UBR2: variants seen among roughly 807,000 people sequenced by gnomAD.
UBR2 encodes E3 ubiquitin-protein ligase UBR2.
UBR2 carries 92 observed loss-of-function variants against 247.9 expected under a neutral mutation model. The ratio of observed to expected loss-of-function variants is 0.37; its 90% CI spans 0.31 to 0.44. The LOEUF (loss-of-function observed/expected upper bound fraction) is 0.44. Among genes scored for constraint, UBR2 ranks in the 20% least tolerant of loss-of-function variants. UBR2 has a pLI of 1.00. For synonymous variants in UBR2, 672 were observed against 693.5 expected (o/e 0.97, Z 0.49); for missense variants, 1,613 against 2,112.6 (o/e 0.76, Z 4.64).
intron 38 of UBR2, among the ~76,000 whole-genome samples, chr6:42,674,759 C>CAA (rs571959083): frequency 2.3e-5 from 3 of 129,504 alleles, no homozygotes; most frequent in South Asian, 5.1e-4. Flanking sequence ...AGACCCCATC[C>CAA]AAAAAAAAAA....
intron 2 of UBR2, among the ~76,000 whole-genome samples, chr6:42,580,226 T>C (rs575979372): frequency 2.7e-4 from 41 of 152,366 alleles, no homozygotes; most frequent in African/African-American, 9.9e-4. Flanking sequence ...GAAAATGCAG[T>C]AAATATCTTC....
chr6:42,590,598 G>A (rs1792598756), intron 2 of UBR2, among the ~76,000 whole-genome samples: 1 of 152,162 alleles, frequency 6.6e-6, no homozygotes, highest in Non-Finnish European at 1.5e-5. Context: ...AATAGACATT[G>A]TATGCTGGTA....
At chr6:42,570,479 C>T (rs1189753458) in intron 1 of UBR2, among the ~76,000 whole-genome samples, 2 of 152,180 alleles carry the variant, frequency 1.3e-5, no homozygotes, top group African/African-American at 4.8e-5. Context: ...GTGATCTGCC[C>T]ACCTTGGCCT....
chr6:42,572,524 GT>G (rs1244877089), intron 1 of UBR2, among the ~76,000 whole-genome samples: 1 of 150,930 alleles, frequency 6.6e-6, no homozygotes, highest in African/African-American at 2.4e-5. Context: ...AACATTGGAG[GT>G]TTTTTTTAAT....
chr6:42,602,187 C>CTT (rs796532726), intron 4 of UBR2, among the ~76,000 whole-genome samples: 25 of 143,884 alleles, frequency 1.7e-4, no homozygotes, highest in Admixed American at 1.4e-3. Flanking sequence ...ATGCCTGGCC[C>CTT]TTTTTTTTTT....
intron 7 of UBR2, among the ~76,000 whole-genome samples, chr6:42,611,505 A>G (rs1479373208): frequency 6.6e-6 from 1 of 151,648 alleles, no homozygotes; most frequent in African/African-American, 2.4e-5. Context: ...GCAATAAATT[A>G]TTTAAATAAG....
chr6:42,640,384 GT>G (rs373742087), intron 16 of UBR2, 114 bp downstream of exon 16: 369,369 of 477,720 alleles, frequency 0.77, 134,840 homozygotes, highest in East Asian at 0.92. Flanking sequence ...AACCAGTAAG[GT>G]GTGTGTGTGT....
intron 5 of UBR2, among the ~76,000 whole-genome samples, chr6:42,605,295 T>A (rs1354852201): frequency 6.6e-6 from 1 of 152,140 alleles, no homozygotes; most frequent in Non-Finnish European, 1.5e-5. Flanking sequence ...ATCCCTGGCT[T>A]CTACCCACTA....
chr6:42,663,075 T>C (rs763403167), intron 31 of UBR2, among the ~76,000 whole-genome samples, 183 bp from the exon 32 acceptor site: 17 of 152,192 alleles, frequency 1.1e-4, no homozygotes, highest in Non-Finnish European at 2.2e-4. Context: ...ATTTTACTCT[T>C]TTAGAACTTT....
chr6:42,654,912 G>A lies in UBR2; in HGVS notation c.2770-709G>A, dbSNP rs564493571. Among the ~76,000 whole-genome samples, 87 of 152,294 alleles carry A rather than the reference G, an allele frequency of 5.7e-4. No homozygotes were observed. In the South Asian group the frequency reaches 8.7e-3, roughly 15 times the overall value. On this transcript the variant is annotated intron_variant, in intron 25 of 46. Transcript: ENST00000372901. The stretch of plus-strand genomic sequence containing the variant: ...GAAGATTTAGTCCTTAGAGAAATTA[G>A]GTAGTGTCATAGACTGGATAATTAC...
In UBR2 at chr6:42,670,128, G is replaced by A. The variant is rs760553928; in HGVS notation, c.3918G>A (p.Thr1306=). ...CTGAGAGCATAAAAGAAATGCTAAC[G>A]ACATTTGGAACTGCTACCTACAAGG... ...PYSESIKEML[T]TFGTATYKVG... Residue 1306 remains threonine (T), a synonymous_variant, in exon 35 of 47, where the codon ACG becomes ACA. Coordinates refer to ENST00000372901, the MANE Select transcript of UBR2 (RefSeq NM_001363705.2). 2.2e-5 allele frequency: 35 copies of A among 1,613,944 alleles called. No homozygotes were observed. Among genetic ancestry groups the A allele is most frequent in the African/African-American group, 5.3e-5 (4 of 74,910 alleles).
At chr6:42,571,082 C>T (rs1265099101) in intron 1 of UBR2, among the ~76,000 whole-genome samples, 1 of 150,256 alleles carries the variant, frequency 6.7e-6, no homozygotes, top group Non-Finnish European at 1.5e-5. Flanking sequence ...AGTTACTAGA[C>T]TGCATAATTT....
chr6:42,587,903 C>T (rs1297069408), intron 2 of UBR2, among the ~76,000 whole-genome samples: 1 of 151,948 alleles, frequency 6.6e-6, no homozygotes, highest in Non-Finnish European at 1.5e-5. Context: ...GGGAAAAACA[C>T]ACTCTTTCTC....
rs73440658 is a variant in UBR2, at chr6:42,617,532, C to T, written c.1281+25C>T. ...TGTAAGTACTGAAAGACTAGAAGAA[C>T]TTTCTTGTTTTCCATTAACAGAGGC... On this transcript the variant is annotated intron_variant, in intron 11 of 46. Coordinates refer to ENST00000372901, the MANE Select transcript of UBR2 (RefSeq NM_001363705.2). 7,792 of 1,545,230 alleles carry T rather than the reference C, an allele frequency of 5.0e-3. 259 individuals carry two copies. In the African/African-American group the frequency reaches 0.083, roughly 17 times the overall value.
At chr6:42,651,523 G>A (rs769466869) in intron 23 of UBR2, among the ~76,000 whole-genome samples, 1 of 151,368 alleles carries the variant, frequency 6.6e-6, no homozygotes, top group Non-Finnish European at 1.5e-5. Flanking sequence ...TTTGAGATAG[G>A]GTCTCACTCT....
At chr6:42,665,536 AT>A in intron 33 of UBR2, 24 bp downstream of exon 33, 2 of 1,551,780 alleles carry the variant, frequency 1.3e-6, no homozygotes, top group East Asian at 2.3e-5. Flanking sequence ...ACCTGTTTTC[AT>A]TTTTCCCTAA....
Position 42,678,557 on chromosome 6 carries a change from A to G in UBR2, c.4497A>G (p.Pro1499=). The G allele has an allele frequency of 1.9e-6, 3 of 1,610,758 alleles. No individual in the cohort carries two copies. The highest frequency in any genetic ancestry group is 2.5e-6 in the Non-Finnish European group (3 of 1,179,130). Residue 1499 remains proline, a synonymous_variant, in exon 41 of 47, where the codon CCA becomes CCG. Coordinates refer to ENST00000372901, the MANE Select transcript of UBR2 (RefSeq NM_001363705.2). The part of the protein sequence containing the change: ...QYTGSALKEI[P]SGWHLWRSVR... ...TTTTTAGTGCCTTGAAAGAAATACC[A>G]TCCGGCTGGCATCTGTGGAGGAGTG...
At chr6:42,687,000 C>T (rs540777154) in intron 44 of UBR2, among the ~76,000 whole-genome samples, 5 of 151,612 alleles carry the variant, frequency 3.3e-5, no homozygotes, top group Non-Finnish European at 5.9e-5. Context: ...ACTTCCTAGA[C>T]GGGATGACGG....
At position 42,629,443 on chromosome 6, in the gene UBR2, C is replaced by G. The variant is rs114376958; in HGVS notation, c.1282-3109C>G. ...CCGAGGCAGGCAGATCACTTGAGGT[C>G]AAGACTTCAAGATCAGCCTAGACAA... On this transcript the variant is annotated intron_variant, in intron 11 of 46. Coordinates refer to ENST00000372901, the MANE Select transcript of UBR2 (RefSeq NM_001363705.2). Among the ~76,000 whole-genome samples the G allele has an allele frequency of 4.0e-3, 608 of 152,258 alleles. 1 individual carries two copies. The highest frequency in any genetic ancestry group is 0.014 in the African/African-American group (565 of 41,552).
Sources: gnomAD v4.1 joint callset for allele counts (sites outside exome capture counted in the v4.1 genomes callset) on GRCh38, gnomAD v4.1.1 for gene constraint, MANE v1.5 for transcripts, NCBI Gene and HGNC (gene_info 2026-07-23, HGNC 2026-07-21) for gene names.